SLC4A4: variants seen among roughly 807,000 people sequenced by gnomAD.
The protein encoded by SLC4A4 is electrogenic sodium bicarbonate cotransporter 1.
Under a neutral mutation model 111.5 loss-of-function variants are expected in SLC4A4, and 27 were observed. The ratio of observed to expected loss-of-function variants is 0.24; its 90% CI spans 0.18 to 0.33. SLC4A4 has a LOEUF of 0.33. Ranked by LOEUF, SLC4A4 falls within the 10% of genes least tolerant of loss-of-function variation. The probability of loss-of-function intolerance (pLI) is 1.00; values close to 1 mark genes in which losing one functional copy is unlikely to be tolerated. For synonymous variants in SLC4A4, 443 were observed against 463.4 expected, an observed-to-expected ratio of 0.96 and a Z score of 0.57; for missense variants, 909 against 1,315.5, an observed-to-expected ratio of 0.69 and a Z score of 4.78.
At chr4:71,444,135 A>AG (rs1725015313) in intron 8 of SLC4A4, among the ~76,000 whole-genome samples, 1 of 152,194 alleles carries the variant, frequency 6.6e-6, no homozygotes, top group South Asian at 2.1e-4. Context: ...ATCAGGAAAG[A>AG]GGGGGGTGCA....
intron 2 of SLC4A4, among the ~76,000 whole-genome samples, chr4:71,160,089 T>C (rs947894833): frequency 4.0e-5 from 6 of 149,398 alleles, no homozygotes; most frequent in African/African-American, 1.2e-4. Context: ...ATCACCCTGA[T>C]GAAGTAGAGG....
At chr4:71,217,499 A>C (rs1163519426) in intron 1 of SLC4A4, among the ~76,000 whole-genome samples, 1 of 152,022 alleles carries the variant, frequency 6.6e-6, no homozygotes, top group African/African-American at 2.4e-5. Flanking sequence ...GGAGGTGGAG[A>C]TTGTCATGAG....
chr4:71,193,315 A>T (rs1020853256), intron 1 of SLC4A4, among the ~76,000 whole-genome samples: 1 of 152,094 alleles, frequency 6.6e-6, no homozygotes, highest in African/African-American at 2.4e-5. Flanking sequence ...GCCCGCCACC[A>T]CGTCCGGCTA....
chr4:71,455,640 G>A (rs796441982), intron 12 of SLC4A4, among the ~76,000 whole-genome samples: 12 of 152,298 alleles, frequency 7.9e-5, no homozygotes, highest in African/African-American at 2.9e-4. Flanking sequence ...CTGTCAGAAT[G>A]TATAGAGACT....
At chr4:71,095,351 C>T (rs889890685) in intron 2 of SLC4A4, among the ~76,000 whole-genome samples, 3 of 152,096 alleles carry the variant, frequency 2.0e-5, no homozygotes, top group Non-Finnish European at 4.4e-5. Context: ...GTTCAGAGGC[C>T]CCAGGACAGC....
At chr4:71,128,482 G>A (rs1215528632) in intron 2 of SLC4A4, among the ~76,000 whole-genome samples, 2 of 152,022 alleles carry the variant, frequency 1.3e-5, no homozygotes, top group Admixed American at 6.6e-5. Flanking sequence ...AAAAATTGGG[G>A]TATCAAAGAC....
intron 2 of SLC4A4, among the ~76,000 whole-genome samples, chr4:71,113,196 G>T (rs1338965906): frequency 6.6e-6 from 1 of 152,190 alleles, no homozygotes; most frequent in African/African-American, 2.4e-5. Flanking sequence ...AATTTATGCT[G>T]TAGAGATTGT....
At chr4:71,066,341 A>T (rs1388307271) in intron 1 of SLC4A4, among the ~76,000 whole-genome samples, 1 of 152,180 alleles carries the variant, frequency 6.6e-6, no homozygotes, top group Non-Finnish European at 1.5e-5. Flanking sequence ...TCCTTATAAC[A>T]GCTTTGTGAA....
At chr4:71,405,480 C>T (rs1167727764) in intron 7 of SLC4A4, among the ~76,000 whole-genome samples, 1 of 152,038 alleles carries the variant, frequency 6.6e-6, no homozygotes, top group Non-Finnish European at 1.5e-5. Flanking sequence ...TTGATTCTAT[C>T]TTCTATGACT....
chr4:71,358,660 A>G (rs141676412), intron 6 of SLC4A4, among the ~76,000 whole-genome samples: 3 of 152,266 alleles, frequency 2.0e-5, no homozygotes, highest in African/African-American at 7.2e-5. Flanking sequence ...TGTTACCTAG[A>G]ATATTGCTGC....
chr4:71,100,024 A>C (rs1248153472), intron 2 of SLC4A4, among the ~76,000 whole-genome samples: 3 of 152,222 alleles, frequency 2.0e-5, no homozygotes, highest in Non-Finnish European at 4.4e-5. Context: ...TACCAGGTAT[A>C]CAAAGAAGGG....
At chr4:71,119,649 A>T (rs1016320503) in intron 2 of SLC4A4, among the ~76,000 whole-genome samples, 4 of 152,266 alleles carry the variant, frequency 2.6e-5, no homozygotes, top group African/African-American at 9.6e-5. Flanking sequence ...TTAAAAATTT[A>T]TTCTATTTGG....
intron 2 of SLC4A4, among the ~76,000 whole-genome samples, chr4:71,180,044 G>A (rs1396885447): frequency 1.3e-5 from 2 of 152,160 alleles, no homozygotes; most frequent in Non-Finnish European, 1.5e-5. Context: ...CAGAAATAAT[G>A]CTGCATATCT....
At chr4:71,228,999 C>G (rs1334266657) in intron 1 of SLC4A4, among the ~76,000 whole-genome samples, 1 of 152,174 alleles carries the variant, frequency 6.6e-6, no homozygotes, top group African/African-American at 2.4e-5. Context: ...CATGTATCCA[C>G]AGATAAGATA....
chr4:71,069,356 C>CA (rs751719555), intron 1 of SLC4A4, among the ~76,000 whole-genome samples: 7 of 151,098 alleles, frequency 4.6e-5, no homozygotes, highest in African/African-American at 1.5e-4. Context: ...TCCCTGAGGA[C>CA]AAAAAAAACC....
intron 7 of SLC4A4, among the ~76,000 whole-genome samples, chr4:71,424,840 G>T (rs976195506): frequency 6.6e-6 from 1 of 152,018 alleles, no homozygotes; most frequent in Non-Finnish European, 1.5e-5. Flanking sequence ...GGGGACTGTT[G>T]TGGAGTGGCG....
chr4:71,480,024 T>A (rs1367129510), intron 14 of SLC4A4, among the ~76,000 whole-genome samples: 1,443 of 105,444 alleles, frequency 0.014, 26 homozygotes, highest in African/African-American at 0.041. Flanking sequence ...GCCCATCTTT[T>A]TTTTTTTTTT....
intron 3 of SLC4A4, among the ~76,000 whole-genome samples, chr4:71,332,696 T>G (rs1039420696): frequency 1.3e-5 from 2 of 152,054 alleles, no homozygotes; most frequent in African/African-American, 4.8e-5. Flanking sequence ...CCTCCCAAAG[T>G]GCTGGGATTA....
rs965477752 is a variant in SLC4A4 at position 71,101,380 on chromosome 4, C to T, written c.-2+8588C>T. ...TGCTGTACCTATCAAACTACATTGA[C>T]ATTCAAACAAATGACATTCTTCACA... On this transcript the variant is annotated intron_variant, in intron 2 of 26. Transcript: ENST00000649996. 2.4e-4 allele frequency among the ~76,000 whole-genome samples: 37 copies of T among 152,216 alleles called. 1 individual carries two copies. Among genetic ancestry groups the T allele is most frequent in the Non-Finnish European group, 5.1e-4 (35 of 68,034 alleles).
Sources: gnomAD v4.1 joint callset for allele counts (sites outside exome capture counted in the v4.1 genomes callset) on GRCh38, gnomAD v4.1.1 for gene constraint, MANE v1.5 for transcripts, NCBI Gene and HGNC (gene_info 2026-07-23, HGNC 2026-07-21) for gene names.